Variants in TMEM242 observed in about 807,000 individuals in gnomAD.
TMEM242 encodes the protein transmembrane protein 242.
Under a neutral mutation model 18.2 loss-of-function variants are expected in TMEM242, and 10 were observed. The observed-to-expected ratio is 0.55, with a 90% CI of 0.34 to 0.93. TMEM242 has a LOEUF of 0.93. TMEM242 is among the 40% of genes least tolerant of loss of function. TMEM242 has a pLI of 0.02. For missense variants in TMEM242, 186 were observed against 175.5 expected (o/e 1.06, Z -0.34); for synonymous variants, 57 against 69.9 (o/e 0.81, Z 0.92).
At chr6:157,295,287 C>A (rs1035146855) in intron 3 of TMEM242, among the ~76,000 whole-genome samples, 2 of 152,228 alleles carry the variant, frequency 1.3e-5, no homozygotes, top group South Asian at 2.1e-4. Context: ...CCCACTCCCT[C>A]TTCCATAAAG....
chr6:157,317,414 A>G (rs1778410595), intron 3 of TMEM242, among the ~76,000 whole-genome samples: 1 of 152,194 alleles, frequency 6.6e-6, no homozygotes, highest in Non-Finnish European at 1.5e-5. Flanking sequence ...CCAAGTCACC[A>G]GGCCAAGGAG....
chr6:157,323,279 G>A, intron 1 of TMEM242, 133 bp downstream of exon 1: 2 of 1,003,154 alleles, frequency 2.0e-6, no homozygotes, highest in Non-Finnish European at 3.0e-6. Context: ...CAGACTCCGC[G>A]GGCTAAACTC....
chr6:157,300,218 G>T (rs1777809533), intron 3 of TMEM242: 2 of 427,468 alleles, frequency 4.7e-6, no homozygotes, highest in Non-Finnish European at 8.7e-6. Context: ...AGCACCTTCA[G>T]CCCTCTGTGG....
rs1173230332 is a variant in TMEM242 at position 157,291,395 on chromosome 6, A to G, written c.*1506T>C. 6 of 152,256 alleles carry G rather than the reference A, an allele frequency of 3.9e-5. No individual in the cohort carries two copies. Among genetic ancestry groups the G allele is most frequent in the African/African-American group, 1.4e-4 (6 of 41,466 alleles). 9.4% of individuals were successfully genotyped at this position (152,256 alleles called of 1,614,324 possible). The stretch of plus-strand genomic sequence containing the variant: ...GAAACCCACATTTATGAAGCACAAA[A>G]GGATCAGGCGGTGCCCATTCTATTC... On this transcript the variant is annotated 3_prime_UTR_variant, in exon 4 of 4. Transcript: ENST00000400788.
At chr6:157,320,599 T>C (rs1189052415) in intron 2 of TMEM242, among the ~76,000 whole-genome samples, 2 of 152,122 alleles carry the variant, frequency 1.3e-5, no homozygotes, top group Non-Finnish European at 2.9e-5. Flanking sequence ...GCCTCCCAAG[T>C]AGCTGGGATT....
intron 3 of TMEM242, among the ~76,000 whole-genome samples, chr6:157,315,285 T>TACC: frequency 6.6e-6 from 1 of 152,370 alleles, no homozygotes. Context: ...AGGTAAGGTT[T>TACC]ACCCCTTTAC....
chr6:157,308,624 A>G (rs1777947774), intron 3 of TMEM242, among the ~76,000 whole-genome samples: 1 of 152,148 alleles, frequency 6.6e-6, no homozygotes, highest in Non-Finnish European at 1.5e-5. Flanking sequence ...AAAAGCAGCA[A>G]TGTCTATCAG....
At chr6:157,300,793 T>C (rs797036370) in intron 3 of TMEM242, among the ~76,000 whole-genome samples, 16 of 152,304 alleles carry the variant, frequency 1.1e-4, no homozygotes, top group African/African-American at 2.9e-4. Context: ...AGGAAAGCCT[T>C]TGATTGTGCG....
At chr6:157,313,012 G>A (rs370669632) in intron 3 of TMEM242, among the ~76,000 whole-genome samples, 39 of 42,442 alleles carry the variant, frequency 9.2e-4, no homozygotes, top group Admixed American at 1.5e-3. Context: ...CCCAGTGTCC[G>A]CTCACCTAGC....
intron 3 of TMEM242, among the ~76,000 whole-genome samples, chr6:157,296,511 C>T (rs1777751338): frequency 6.6e-6 from 1 of 152,136 alleles, no homozygotes; most frequent in African/African-American, 2.4e-5. Flanking sequence ...GGTAAAATCC[C>T]GTCTCTACTA....
intron 3 of TMEM242, among the ~76,000 whole-genome samples, chr6:157,310,636 GT>G (rs1778004174): frequency 6.6e-6 from 1 of 151,882 alleles, no homozygotes; most frequent in South Asian, 2.1e-4. Context: ...TCATCATAGT[GT>G]CCCAGTGTTC....
At chr6:157,320,229 C>G (rs1778470454) in intron 2 of TMEM242, among the ~76,000 whole-genome samples, 1 of 152,108 alleles carries the variant, frequency 6.6e-6, no homozygotes, top group Non-Finnish European at 1.5e-5. Flanking sequence ...AACAGGGGTT[C>G]TCAAACTACC....
At chr6:157,301,342 G>C (rs1318281874) in intron 3 of TMEM242, among the ~76,000 whole-genome samples, 3 of 151,344 alleles carry the variant, frequency 2.0e-5, no homozygotes, top group Admixed American at 6.6e-5. Flanking sequence ...TTTTGAGACA[G>C]AGTCTTGCTC....
intron 3 of TMEM242, among the ~76,000 whole-genome samples, chr6:157,295,026 T>C (rs1160872972): frequency 1.3e-5 from 2 of 152,270 alleles, no homozygotes; most frequent in Non-Finnish European, 2.9e-5. Flanking sequence ...TTAGCTATTA[T>C]CATTGCTGTA....
intron 2 of TMEM242, among the ~76,000 whole-genome samples, chr6:157,319,274 G>A (rs1778457121): frequency 6.6e-6 from 1 of 152,094 alleles, no homozygotes. Flanking sequence ...GATGAGCAAG[G>A]GCACCAGATA....
intron 1 of TMEM242, 66 bp from the exon 2 acceptor site, chr6:157,322,871 T>C (rs1387771729): frequency 1.5e-6 from 2 of 1,364,828 alleles, no homozygotes; most frequent in Non-Finnish European, 2.1e-6. Flanking sequence ...GTTAAAAAGA[T>C]GTACAAAAGT....
chr6:157,303,398 T>C (rs1777857092), intron 3 of TMEM242, among the ~76,000 whole-genome samples: 1 of 152,228 alleles, frequency 6.6e-6, no homozygotes, highest in Non-Finnish European at 1.5e-5. Flanking sequence ...TTGATGCATA[T>C]ATTTCAAGTA....
chr6:157,312,863 T>C (rs1554249462), intron 3 of TMEM242, among the ~76,000 whole-genome samples: 4 of 125,614 alleles, frequency 3.2e-5, no homozygotes, highest in African/African-American at 1.1e-4. Flanking sequence ...CTCATCATAG[T>C]GTCCCAGTGT....
At chr6:157,312,292 G>A (rs144202698) in intron 3 of TMEM242, among the ~76,000 whole-genome samples, 1 of 106,012 alleles carries the variant, frequency 9.4e-6, no homozygotes, top group African/African-American at 3.0e-5. Context: ...TCAACATAGT[G>A]CCCCAGTGTG....
Sources: gnomAD v4.1 joint callset for allele counts (sites outside exome capture counted in the v4.1 genomes callset) on GRCh38, gnomAD v4.1.1 for gene constraint, MANE v1.5 for transcripts, NCBI Gene and HGNC (gene_info 2026-07-23, HGNC 2026-07-21) for gene names.